Variants in CNTN5 observed in about 807,000 individuals in gnomAD.
The protein encoded by CNTN5 is contactin 5.
A neutral mutation model predicts 129.1 loss-of-function variants in CNTN5; 77 were observed. That is an observed-to-expected ratio of 0.60 (90% CI 0.50 to 0.72). The LOEUF (loss-of-function observed/expected upper bound fraction) is 0.72, where lower values mean the gene tolerates loss of function less well. Ranked by LOEUF, CNTN5 falls within the 30% of genes least tolerant of loss-of-function variation. CNTN5 has a pLI of 0.00. For missense variants in CNTN5, 1,478 were observed against 1,328.8 expected (o/e 1.11, Z -1.75); for synonymous variants, 509 against 465.6 (o/e 1.09, Z -1.20).
chr11:99,711,157 T>A (rs1954971698), intron 3 of CNTN5, among the ~76,000 whole-genome samples: 1 of 151,912 alleles, frequency 6.6e-6, no homozygotes, highest in South Asian at 2.1e-4. Context: ...AATCCCTGAT[T>A]TTAAAAAAGT....
chr11:100,265,467 C>T (rs1950284214), intron 17 of CNTN5, among the ~76,000 whole-genome samples: 1 of 152,118 alleles, frequency 6.6e-6, no homozygotes, highest in Admixed American at 6.6e-5. Context: ...TCCACTAGGT[C>T]ATGGGCCTTT....
chr11:100,094,962 A>C (rs1341419332), intron 13 of CNTN5, among the ~76,000 whole-genome samples: 1 of 152,154 alleles, frequency 6.6e-6, no homozygotes, highest in Non-Finnish European at 1.5e-5. Flanking sequence ...ATTATTATTC[A>C]TTAAAAATCC....
rs530442711 is a variant in CNTN5 at position 99,732,843 on chromosome 11, T to C, written c.56-86701T>C. Among the ~76,000 whole-genome samples the C allele has an allele frequency of 2.1e-4, 31 of 150,348 alleles. No homozygotes were observed. The South Asian group carries it at 6.8e-3, about 33-fold the overall frequency. On this transcript the variant is annotated intron_variant, in intron 3 of 24. Coordinates refer to ENST00000524871, the MANE Select transcript of CNTN5 (RefSeq NM_014361.4). ...TGGGACTGAAAGCGACCAGTTAAGATGCTGGTGGAATAACCCATTGTGATG... is the reference window on the plus strand; with the variant it reads ...TGGGACTGAAAGCGACCAGTTAAGACGCTGGTGGAATAACCCATTGTGATG...
At chr11:99,779,281 C>G (rs1458333242) in intron 3 of CNTN5, among the ~76,000 whole-genome samples, 2 of 151,840 alleles carry the variant, frequency 1.3e-5, no homozygotes, top group Non-Finnish European at 2.9e-5. Flanking sequence ...TAACTCTCAT[C>G]AAGGCATTTA....
At chr11:99,107,388 A>T (rs1867046287) in intron 1 of CNTN5, among the ~76,000 whole-genome samples, 1 of 152,132 alleles carries the variant, frequency 6.6e-6, no homozygotes, top group Non-Finnish European at 1.5e-5. Flanking sequence ...TTACTTTTTC[A>T]CTGAAAAATG....
chr11:99,736,565 CAT>C (rs1284167063), intron 3 of CNTN5, among the ~76,000 whole-genome samples: 1 of 152,134 alleles, frequency 6.6e-6, no homozygotes, highest in Non-Finnish European at 1.5e-5. Flanking sequence ...ATCTCTGTAA[CAT>C]ATAGTTTTCT....
intron 20 of CNTN5, among the ~76,000 whole-genome samples, chr11:100,302,133 C>T (rs1210374357): frequency 6.6e-6 from 1 of 151,580 alleles, no homozygotes; most frequent in Non-Finnish European, 1.5e-5. Flanking sequence ...TCAACTTTTG[C>T]TATACAATAA....
chr11:99,093,859 C>G (rs1011624990), intron 1 of CNTN5, among the ~76,000 whole-genome samples: 2 of 151,968 alleles, frequency 1.3e-5, no homozygotes, highest in Admixed American at 6.6e-5. Flanking sequence ...AATTTAATAA[C>G]TTGTCTAAAT....
intron 3 of CNTN5, among the ~76,000 whole-genome samples, chr11:99,559,669 T>A (rs1948777951): frequency 6.6e-6 from 1 of 152,184 alleles, no homozygotes; most frequent in Admixed American, 6.5e-5. Flanking sequence ...CTAAACACAA[T>A]TTTGTCATAT....
At position 99,759,502 on chromosome 11, in the gene CNTN5, G is replaced by T. The variant is rs79695557; in HGVS notation, c.56-60042G>T. On this transcript the variant is annotated intron_variant, in intron 3 of 24. Transcript: ENST00000524871. ...CACAGTTTCAAAGAGGGTGAAAATT[G>T]TTAGGAAGCTAGTGAAATTAACATC... 4.5e-3 allele frequency among the ~76,000 whole-genome samples: 685 copies of T among 152,122 alleles called. 16 individuals carry two copies. Among genetic ancestry groups the T allele is most frequent in the Admixed American group, 0.033 (503 of 15,228 alleles).
At chr11:99,158,375 A>G (rs1267544130) in intron 1 of CNTN5, among the ~76,000 whole-genome samples, 1 of 152,042 alleles carries the variant, frequency 6.6e-6, no homozygotes, top group African/African-American at 2.4e-5. Flanking sequence ...TCTCTCGTAT[A>G]GTTATTCTTG....
At chr11:99,613,013 T>A (rs1402830972) in intron 3 of CNTN5, among the ~76,000 whole-genome samples, 1 of 152,076 alleles carries the variant, frequency 6.6e-6, no homozygotes, top group Admixed American at 6.6e-5. Context: ...TCACTTACAC[T>A]CCAGGAAGTT....
intron 12 of CNTN5, among the ~76,000 whole-genome samples, chr11:100,073,592 T>G (rs1489396925): frequency 2.0e-5 from 3 of 152,004 alleles, no homozygotes; most frequent in African/African-American, 4.8e-5. Context: ...TATGAATGAA[T>G]GATCAAACCT....
intron 1 of CNTN5, among the ~76,000 whole-genome samples, chr11:99,299,102 G>A (rs2100831): frequency 0.91 from 138,025 of 152,098 alleles, 62,840 homozygotes; most frequent in East Asian, 1. Flanking sequence ...TCACATTTTC[G>A]ATAACAACAT....
At chr11:99,373,798 C>T (rs144801400) in intron 2 of CNTN5, among the ~76,000 whole-genome samples, 42 of 148,812 alleles carry the variant, frequency 2.8e-4, no homozygotes, top group Non-Finnish European at 5.8e-4. Context: ...ATAATATATA[C>T]AATTATTTCA....
intron 3 of CNTN5, among the ~76,000 whole-genome samples, chr11:99,703,480 C>G (rs1370257562): frequency 2.0e-5 from 3 of 150,484 alleles, no homozygotes; most frequent in Non-Finnish European, 3.0e-5. Flanking sequence ...TTCTTCAGTG[C>G]TTAGTATCTC....
rs1948557657 is a variant in CNTN5 at position 100,193,640 on chromosome 11, G to A, written c.1861G>A (p.Gly621Arg). The change falls in exon 15 of 25, where the codon GGA (glycine) becomes AGA (arginine). Residue 621 changes from glycine (G) to arginine (R), a missense_variant. By Grantham distance (125) the Gly-to-Arg change is moderately radical. Transcript: ENST00000524871. ...GCCTATTGATTTCGAGGAAGAGGGT[G>A]GACATTTTGAAAGCATCAGGGCCGT... ...GQPIDFEEEG[G>R]HFESIRAQAS... is the part of the protein sequence containing the mutation. The A allele has an allele frequency of 6.2e-7, 1 of 1,611,144 alleles. No individual in the cohort carries two copies.
intron 18 of CNTN5, among the ~76,000 whole-genome samples, chr11:100,290,343 C>G (rs1950931105): frequency 1.3e-5 from 2 of 151,956 alleles, no homozygotes; most frequent in African/African-American, 4.8e-5. Context: ...ATCACACTAC[C>G]TGACTTCAAA....
At chr11:99,170,834 T>C (rs1163804158) in intron 1 of CNTN5, among the ~76,000 whole-genome samples, 1 of 152,220 alleles carries the variant, frequency 6.6e-6, no homozygotes, top group African/African-American at 2.4e-5. Context: ...AATCCTGTTT[T>C]CTCAGTGCTA....
Sources: gnomAD v4.1 joint callset for allele counts (sites outside exome capture counted in the v4.1 genomes callset) on GRCh38, gnomAD v4.1.1 for gene constraint, MANE v1.5 for transcripts, NCBI Gene and HGNC (gene_info 2026-07-23, HGNC 2026-07-21) for gene names.